Variants in ROBO2 observed in about 807,000 individuals in gnomAD.
ROBO2 encodes the protein roundabout guidance receptor 2.
A neutral mutation model predicts 160.8 loss-of-function variants in ROBO2; 53 were observed. The ratio of observed to expected loss-of-function variants is 0.33; its 90% CI spans 0.26 to 0.41. ROBO2 has a LOEUF of 0.41. ROBO2 is among the 10% of genes least tolerant of loss of function. The probability of loss-of-function intolerance (pLI) is 1.00; values close to 1 mark genes in which losing one functional copy is unlikely to be tolerated. For missense variants in ROBO2, 1,577 were observed against 1,722.4 expected (o/e 0.92, Z 1.49); for synonymous variants, 664 against 611.7 (o/e 1.09, Z -1.26).
At chr3:77,551,145 T>A (rs1300383906) in intron 8 of ROBO2, among the ~76,000 whole-genome samples, 156 bp downstream of exon 9, 3 of 152,084 alleles carry the variant, frequency 2.0e-5, no homozygotes, top group Non-Finnish European at 4.4e-5. Flanking sequence ...TAGTTTCTAA[T>A]TCTCCCTGAT....
At chr3:77,297,825 G>T (rs1035153445) in intron 2 of ROBO2, among the ~76,000 whole-genome samples, 1 of 152,144 alleles carries the variant, frequency 6.6e-6, no homozygotes, top group African/African-American at 2.4e-5. Flanking sequence ...GAATAGAAAG[G>T]GAAGGAAACA....
chr3:77,305,312 G>T (rs9873219), intron 2 of ROBO2, among the ~76,000 whole-genome samples: 3 of 152,144 alleles, frequency 2.0e-5, no homozygotes, highest in African/African-American at 7.2e-5. Flanking sequence ...GATTTCAACT[G>T]CCCTTTTGGT....
intron 2 of ROBO2, among the ~76,000 whole-genome samples, chr3:76,082,039 C>G (rs531858222): frequency 1.3e-5 from 2 of 152,218 alleles, no homozygotes; most frequent in African/African-American, 4.8e-5. Flanking sequence ...TTTCTTCACT[C>G]CAAGCTACTT....
chr3:77,050,882 G>A (rs957018332), intron 1 of ROBO2, among the ~76,000 whole-genome samples: 1 of 151,690 alleles, frequency 6.6e-6, no homozygotes, highest in Admixed American at 6.6e-5. Flanking sequence ...GCTGGGCATG[G>A]TGGTGCTCAC....
At chr3:76,396,524 A>G (rs2077458468) in intron 2 of ROBO2, among the ~76,000 whole-genome samples, 1 of 152,160 alleles carries the variant, frequency 6.6e-6, no homozygotes, top group Non-Finnish European at 1.5e-5. Flanking sequence ...GAAAAGAGGA[A>G]GTCAAATTGT....
intron 15 of ROBO2, among the ~76,000 whole-genome samples, chr3:77,578,895 T>A (rs2153673937): frequency 6.6e-6 from 1 of 152,040 alleles, no homozygotes; most frequent in East Asian, 1.9e-4. Flanking sequence ...ACATGATGAA[T>A]TTTTTTTCCA....
chr3:76,284,475 T>A (rs2107680513), intron 2 of ROBO2, among the ~76,000 whole-genome samples: 1 of 152,184 alleles, frequency 6.6e-6, no homozygotes, highest in Admixed American at 6.6e-5. Context: ...CTTATTTCAG[T>A]GTATATTTAA....
At chr3:77,146,024 T>C (rs2077091527) in intron 2 of ROBO2, among the ~76,000 whole-genome samples, 1 of 152,166 alleles carries the variant, frequency 6.6e-6, no homozygotes, top group African/African-American at 2.4e-5. Context: ...TGCTAAATGT[T>C]ACAGGGTAGA....
At chr3:77,154,831 T>C (rs911087749) in intron 2 of ROBO2, among the ~76,000 whole-genome samples, 1 of 151,884 alleles carries the variant, frequency 6.6e-6, no homozygotes, top group Non-Finnish European at 1.5e-5. Flanking sequence ...CTCAGGTACA[T>C]AAAGATGGCG....
intron 2 of ROBO2, among the ~76,000 whole-genome samples, chr3:77,262,100 ATAAAT>A (rs1390958330): frequency 6.6e-6 from 1 of 152,190 alleles, no homozygotes; most frequent in African/African-American, 2.4e-5. Context: ...TGGTTGGAAA[ATAAAT>A]ACTTCACAAA....
intron 2 of ROBO2, among the ~76,000 whole-genome samples, chr3:77,301,833 C>CT (rs2153413188): frequency 6.6e-6 from 1 of 152,042 alleles, no homozygotes; most frequent in South Asian, 2.1e-4. Flanking sequence ...TACATACTTG[C>CT]TGTGTGTCCT....
At chr3:76,857,790 G>A (rs1029926246) in intron 2 of ROBO2, among the ~76,000 whole-genome samples, 2 of 152,154 alleles carry the variant, frequency 1.3e-5, no homozygotes, top group Admixed American at 6.5e-5. Context: ...AGCTTCTCAC[G>A]GCTTTTAGCA....
chr3:76,507,014 CAG>C (rs1334665249), intron 2 of ROBO2, among the ~76,000 whole-genome samples: 1 of 152,126 alleles, frequency 6.6e-6, no homozygotes, highest in East Asian at 1.9e-4. Flanking sequence ...AGTCTTCTCT[CAG>C]AAATATTAGT....
chr3:76,802,727 C>CAAAAAA (rs71104621), intron 2 of ROBO2, among the ~76,000 whole-genome samples: 5 of 103,836 alleles, frequency 4.8e-5, no homozygotes, highest in African/African-American at 2.2e-4. Context: ...GACTCCGTCT[C>CAAAAAA]AAAAAAAAAA....
At chr3:77,509,983 A>AG (rs1464957209) in intron 5 of ROBO2, among the ~76,000 whole-genome samples, 1 of 151,996 alleles carries the variant, frequency 6.6e-6, no homozygotes, top group East Asian at 1.9e-4. Context: ...GGAGTGGGCC[A>AG]GATGTGAAGG....
chr3:76,023,978 C>T (rs1030672905), intron 2 of ROBO2, among the ~76,000 whole-genome samples: 1 of 151,464 alleles, frequency 6.6e-6, no homozygotes, highest in Admixed American at 6.6e-5. Context: ...TCATTAAATA[C>T]ATTGCTTCCA....
At chr3:77,273,669 TAAAAG>T (rs1362495277) in intron 2 of ROBO2, among the ~76,000 whole-genome samples, 3 of 152,150 alleles carry the variant, frequency 2.0e-5, no homozygotes, top group African/African-American at 7.2e-5. Context: ...TTATGCTAAA[TAAAAG>T]AAGACAGACT....
At position 77,111,410 on chromosome 3, in the gene ROBO2, T is replaced by TAA. The variant is rs1295399355; in HGVS notation, c.388+13071_388+13072dup. On this transcript the variant is annotated intron_variant, in intron 2 of 25. Transcript: ENST00000461745. The stretch of plus-strand genomic sequence containing the variant: ...TTGTCGAGCTATCTTAAGTAGACAT[T>TAA]AATAATATACATAAAAATGAATTTG... Among the ~76,000 whole-genome samples, 7 of 152,282 alleles carry TAA rather than the reference T, an allele frequency of 4.6e-5. No homozygotes were observed. In the South Asian group the frequency reaches 1.0e-3, roughly 23 times the overall value.
intron 1 of ROBO2, among the ~76,000 whole-genome samples, chr3:77,082,422 G>T (rs960921352): frequency 1.3e-5 from 2 of 152,026 alleles, no homozygotes; most frequent in African/African-American, 4.8e-5. Flanking sequence ...TCTTAGCCCT[G>T]CCTGTGTTTC....
Sources: gnomAD v4.1 joint callset for allele counts (sites outside exome capture counted in the v4.1 genomes callset) on GRCh38, gnomAD v4.1.1 for gene constraint, MANE v1.5 for transcripts, NCBI Gene and HGNC (gene_info 2026-07-23, HGNC 2026-07-21) for gene names.